Variants in EEIG2 observed in about 807,000 individuals in gnomAD.
The protein encoded by EEIG2 is EEIG family member 2, also known as family with sequence similarity 102 member B.
At chr1:108,613,539 C>A in the EEIG2 span, among the ~76,000 whole-genome samples, 1 of 152,168 alleles carries the variant, frequency 6.6e-6, no homozygotes, top group Non-Finnish European at 1.5e-5. Context: ...TAAGAGCCAA[C>A]TCATGGAGTA....
At chr1:108,573,872 CAAAAACAAAAAAA>C in the EEIG2 span, among the ~76,000 whole-genome samples, 1 of 151,994 alleles carries the variant, frequency 6.6e-6, no homozygotes, top group South Asian at 2.1e-4. Flanking sequence ...AAACAAAAAA[CAAAAACAAAAAAA>C]TAACAAGTGT....
At chr1:108,629,788 G>A in the EEIG2 span, 12 of 709,408 alleles carry the variant, frequency 1.7e-5, no homozygotes, top group Admixed American at 4.2e-5. Context: ...AGTTACATGC[G>A]AAGAGTTACA....
the EEIG2 span, among the ~76,000 whole-genome samples, chr1:108,601,288 G>A: frequency 5.6e-3 from 844 of 151,216 alleles, 5 homozygotes; most frequent in Non-Finnish European, 9.4e-3. Flanking sequence ...GTGTTTGTGC[G>A]TGTGTGTGTG....
chr1:108,626,504 C>G, the EEIG2 span: 1 of 152,348 alleles, frequency 6.6e-6, no homozygotes, highest in Admixed American at 6.5e-5. Flanking sequence ...TTTCCTGACA[C>G]AAACTTCTCC....
chr1:108,609,316 A>G, the EEIG2 span, among the ~76,000 whole-genome samples: 1 of 152,228 alleles, frequency 6.6e-6, no homozygotes, highest in Non-Finnish European at 1.5e-5. Flanking sequence ...TTACATGCTA[A>G]TGGAAGCAGG....
At chr1:108,571,824 A>G in the EEIG2 span, among the ~76,000 whole-genome samples, 1 of 152,234 alleles carries the variant, frequency 6.6e-6, no homozygotes, top group Non-Finnish European at 1.5e-5. Flanking sequence ...CTCTGCTGAC[A>G]AACTTAATCT....
the EEIG2 span, among the ~76,000 whole-genome samples, chr1:108,579,768 T>TGAGAGA: frequency 3.5e-4 from 5 of 14,362 alleles, no homozygotes; most frequent in Admixed American, 1.1e-3. Flanking sequence ...TGTGTGTGTG[T>TGAGAGA]GTGTGAGAGA....
At chr1:108,628,667 C>A in the EEIG2 span, 12 of 1,600,854 alleles carry the variant, frequency 7.5e-6, no homozygotes, top group South Asian at 1.3e-4. Flanking sequence ...AAATGTAATT[C>A]TTTTCAAAGA....
chr1:108,583,417 T>G, the EEIG2 span, among the ~76,000 whole-genome samples: 1 of 151,898 alleles, frequency 6.6e-6, no homozygotes, highest in African/African-American at 2.4e-5. Context: ...AGTGCTGGGA[T>G]AGGAATGAGC....
At chr1:108,612,442 C>T in the EEIG2 span, 39 of 549,286 alleles carry the variant, frequency 7.1e-5, no homozygotes, top group East Asian at 1.2e-3. Flanking sequence ...TAGGGAAAAA[C>T]CCCATCTAAG....
chr1:108,628,251 CA>C, the EEIG2 span: 1 of 1,614,124 alleles, frequency 6.2e-7, no homozygotes, highest in Non-Finnish European at 8.5e-7. Context: ...AGTCAGCAGT[CA>C]AAAGTATCAG....
chr1:108,619,404 A>C, the EEIG2 span, among the ~76,000 whole-genome samples: 1 of 152,246 alleles, frequency 6.6e-6, no homozygotes, highest in Non-Finnish European at 1.5e-5. Context: ...ATACACTTGC[A>C]CATACTGAAT....
chr1:108,612,087 G>A, the EEIG2 span: 1 of 833,258 alleles, frequency 1.2e-6, no homozygotes, highest in African/African-American at 1.7e-5. Context: ...GAGAAAACCT[G>A]TCTAGGGTAT....
the EEIG2 span, among the ~76,000 whole-genome samples, chr1:108,610,859 G>A: frequency 6.6e-6 from 1 of 152,246 alleles, no homozygotes; most frequent in East Asian, 1.9e-4. Flanking sequence ...GCGTGAAGCT[G>A]GGAGGCAGAG....
the EEIG2 span, among the ~76,000 whole-genome samples, chr1:108,633,325 G>T: frequency 6.6e-6 from 1 of 152,194 alleles, no homozygotes; most frequent in African/African-American, 2.4e-5. Context: ...GTCTCACTCT[G>T]TTGCCCAGGC....
chr1:108,569,293 G>A, the EEIG2 span, among the ~76,000 whole-genome samples: 6 of 152,170 alleles, frequency 3.9e-5, no homozygotes, highest in Non-Finnish European at 8.8e-5. Context: ...GTTATTCCTC[G>A]TTAGGAGGAT....
the EEIG2 span, among the ~76,000 whole-genome samples, chr1:108,597,114 A>G: frequency 6.6e-6 from 1 of 152,228 alleles, no homozygotes; most frequent in East Asian, 1.9e-4. Context: ...TGAAGCACTA[A>G]AAGTTGATTA....
the EEIG2 span, among the ~76,000 whole-genome samples, chr1:108,601,262 T>TTG: frequency 2.0e-5 from 3 of 151,424 alleles, no homozygotes; most frequent in African/African-American, 7.3e-5. Flanking sequence ...AACTTTCTGT[T>TTG]TGTGTGTGTG....
chr1:108,634,023 G>A, the EEIG2 span, among the ~76,000 whole-genome samples: 1 of 152,080 alleles, frequency 6.6e-6, no homozygotes, highest in East Asian at 1.9e-4. Flanking sequence ...TGTTTCTTGG[G>A]ACCACAGTCC....
Sources: gnomAD v4.1 joint callset for allele counts (sites outside exome capture counted in the v4.1 genomes callset) on GRCh38, gnomAD v4.1.1 for gene constraint, MANE v1.5 for transcripts, NCBI Gene and HGNC (gene_info 2026-07-23, HGNC 2026-07-21) for gene names.